The following ABLIM1 variants were observed in gnomAD, a reference collection of about 807,000 sequenced individuals.
ABLIM1 encodes actin-binding LIM protein 1.
In ABLIM1, 40 loss-of-function variants were observed where a neutral mutation model predicts 107.0. That is an observed-to-expected ratio of 0.37 (90% CI 0.29 to 0.49). The LOEUF is 0.49. Ranked by LOEUF, ABLIM1 falls within the 20% of genes least tolerant of loss-of-function variation. ABLIM1 has a pLI of 0.97. For synonymous variants in ABLIM1, 357 were observed against 357.3 expected (o/e 1.00, Z 0.01); for missense variants, 857 against 1,008.5 (o/e 0.85, Z 2.04).
At chr10:114,761,144 A>G (rs2142592844) in intron 1 of ABLIM1, among the ~76,000 whole-genome samples, 1 of 152,302 alleles carries the variant, frequency 6.6e-6, no homozygotes, top group East Asian at 1.9e-4. Context: ...TGCTTGGGAC[A>G]AGAGGCCCAG....
intron 2 of ABLIM1, among the ~76,000 whole-genome samples, chr10:114,598,423 T>A (rs2483586): frequency 0.7 from 105,822 of 151,484 alleles, 37,369 homozygotes; most frequent in Middle Eastern, 0.76. Context: ...CGTCTCTACT[T>A]AAAAAAATAC....
Position 114,649,456 on chromosome 10 carries a change from G to T in ABLIM1, c.244+8501C>A, listed in dbSNP as rs544388425. Among the ~76,000 whole-genome samples the T allele has an allele frequency of 2.7e-5, 4 of 148,194 alleles. No homozygotes were observed. The East Asian group carries it at 6.0e-4, about 22-fold the overall frequency. ...ATAAATAAATAAATAAATAAATAAA[G>T]GTGTTGATATCAAAGGTTTATTTCT... On this transcript the variant is annotated intron_variant, in intron 1 of 22. Transcript: ENST00000533213.
intron 1 of ABLIM1, among the ~76,000 whole-genome samples, chr10:114,653,914 T>C (rs987224321): frequency 2.0e-5 from 3 of 152,194 alleles, no homozygotes; most frequent in Admixed American, 1.3e-4. Flanking sequence ...TGTTTTGAGC[T>C]TTACAAAGGA....
chr10:114,563,149 C>T (rs1271278630), intron 4 of ABLIM1, among the ~76,000 whole-genome samples: 1 of 152,204 alleles, frequency 6.6e-6, no homozygotes, highest in Non-Finnish European at 1.5e-5. Flanking sequence ...ATGTCTGTAG[C>T]ACTTAGAGCG....
At chr10:114,701,660 C>A (rs570715200) in intron 1 of ABLIM1, among the ~76,000 whole-genome samples, 7 of 152,258 alleles carry the variant, frequency 4.6e-5, no homozygotes, top group Non-Finnish European at 8.8e-5. Context: ...AAAAGCCTTA[C>A]ACAAAACAGT....
At chr10:114,743,714 C>T (rs59116647) in intron 1 of ABLIM1, among the ~76,000 whole-genome samples, 2,613 of 152,268 alleles carry the variant, frequency 0.017, 70 homozygotes, top group African/African-American at 0.06. Context: ...TCCAGCCTGG[C>T]TGAGCGAGAC....
At chr10:114,653,611 G>C (rs2079354646) in intron 1 of ABLIM1, among the ~76,000 whole-genome samples, 1 of 152,194 alleles carries the variant, frequency 6.6e-6, no homozygotes, top group African/African-American at 2.4e-5. Context: ...CTCAATGAAT[G>C]ACAGCCGTTC....
At chr10:114,529,753 G>A (rs549167096) in intron 6 of ABLIM1, among the ~76,000 whole-genome samples, 1 of 152,178 alleles carries the variant, frequency 6.6e-6, no homozygotes, top group Non-Finnish European at 1.5e-5. Context: ...TGGGCTGGGC[G>A]TGGTGGCTCA....
In ABLIM1 at chr10:114,629,860, A is replaced by G. The variant is rs1240411995; in HGVS notation, c.245-27899T>C. On this transcript the variant is annotated intron_variant, in intron 1 of 22. Coordinates refer to ENST00000533213, the MANE Select transcript of ABLIM1 (RefSeq NM_002313.7). This position sits in a 1 kb window ranked among gnomAD's most constrained non-coding sequence, Gnocchi z 4.0. ...AAAACAAACAAACAAACAAACAAAAATGAAACGAAACGAAACAAACCTGCC... is the reference window on the plus strand; with the variant it reads ...AAAACAAACAAACAAACAAACAAAAGTGAAACGAAACGAAACAAACCTGCC... 6.6e-6 allele frequency among the ~76,000 whole-genome samples: 1 copy of G among 152,018 alleles called. No individual in the cohort carries two copies. The highest frequency in any genetic ancestry group is 2.4e-5 in the African/African-American group (1 of 41,364).
At chr10:114,784,679 A>G in the ABLIM1 span, among the ~76,000 whole-genome samples, 1 of 119,490 alleles carries the variant, frequency 8.4e-6, no homozygotes, top group Admixed American at 7.9e-5. Flanking sequence ...AAAAAAAAAA[A>G]AAAAGAAAAA....
At chr10:114,792,787 G>T in the ABLIM1 span, among the ~76,000 whole-genome samples, 1 of 152,158 alleles carries the variant, frequency 6.6e-6, no homozygotes, top group East Asian at 1.9e-4. Flanking sequence ...ATATTCAGCT[G>T]CTTTATCAAT....
At chr10:114,451,783 G>T in intron 13 of ABLIM1, 112 bp from the exon 14 acceptor site, 1 of 904,890 alleles carries the variant, frequency 1.1e-6, no homozygotes, top group African/African-American at 1.7e-5. Context: ...AAACAACCCA[G>T]AAGGTTAATT....
At chr10:114,583,813 C>T (rs570153948) in intron 2 of ABLIM1, among the ~76,000 whole-genome samples, 3 of 152,004 alleles carry the variant, frequency 2.0e-5, no homozygotes, top group South Asian at 2.1e-4. Context: ...TCATGTCCTC[C>T]GTAGCAACAT....
intron 1 of ABLIM1, among the ~76,000 whole-genome samples, chr10:114,729,019 C>A (rs978304293): frequency 6.6e-6 from 1 of 152,094 alleles, no homozygotes; most frequent in African/African-American, 2.4e-5. Context: ...TAAGCAGGCA[C>A]CTTTCTAGGT....
the ABLIM1 span, chr10:114,778,616 C>CACACACACA: frequency 4.8e-5 from 7 of 145,866 alleles, no homozygotes; most frequent in African/African-American, 1.8e-4. Flanking sequence ...CACACACATA[C>CACACACACA]ATTTTAACAA....
At chr10:114,621,796 A>G (rs1348577391) in intron 1 of ABLIM1, among the ~76,000 whole-genome samples, 1 of 152,234 alleles carries the variant, frequency 6.6e-6, no homozygotes, top group Non-Finnish European at 1.5e-5. Context: ...AGTGCCTCAC[A>G]GATAAGAGAC....
chr10:114,772,941 T>C (rs1450660779), upstream of ABLIM1, among the ~76,000 whole-genome samples: 1 of 152,108 alleles, frequency 6.6e-6, no homozygotes, highest in African/African-American at 2.4e-5. Flanking sequence ...TATAGAAATT[T>C]TAAAACTCAT....
intron 1 of ABLIM1, among the ~76,000 whole-genome samples, chr10:114,676,878 G>A (rs2080509641): frequency 6.6e-6 from 1 of 152,162 alleles, no homozygotes; most frequent in Admixed American, 6.5e-5. Context: ...TGGGAGTACA[G>A]GCGTGCACCA....
At chr10:114,517,968 A>G (rs1376290644) in intron 6 of ABLIM1, among the ~76,000 whole-genome samples, 1 of 151,008 alleles carries the variant, frequency 6.6e-6, no homozygotes, top group African/African-American at 2.4e-5. Flanking sequence ...TTACACACAT[A>G]CTTTTTTTTT....
Sources: allele counts gnomAD v4.1 joint callset (sites outside exome capture counted in the v4.1 genomes callset), GRCh38; gene constraint gnomAD v4.1.1; non-coding constraint Gnocchi (gnomAD v3.1); transcripts MANE v1.5; gene names NCBI Gene and HGNC (gene_info 2026-07-23, HGNC 2026-07-21).